The following RPA3 variants were observed in gnomAD, a reference collection of about 807,000 sequenced individuals.
RPA3 encodes replication protein A 14 kDa subunit.
RPA3 carries 24 observed loss-of-function variants against 13.7 expected under a neutral mutation model. The observed-to-expected ratio is 1.75, with a 90% CI of 1.27 to 2.46. The LOEUF (loss-of-function observed/expected upper bound fraction) is 2.46. Among genes scored for constraint, RPA3 ranks in the 30% most tolerant of loss-of-function variants. RPA3 has a pLI of 0.00. For synonymous variants in RPA3, 59 were observed against 51.2 expected (o/e 1.15, Z -0.65); for missense variants, 183 against 151.0 (o/e 1.21, Z -1.11).
In RPA3 at chr7:7,675,020, T is replaced by G. The variant is rs1261965889; in HGVS notation, c.-758+10810A>C. ...TTTTTATTATATATGTATTTAAAAT[T>G]TTTTTTAAAATTATTTTTAAAGAAA... On this transcript the variant is annotated intron_variant, in intron 4 of 7. Coordinates refer to ENST00000223129, the MANE Select transcript of RPA3 (RefSeq NM_002947.5). Among the ~76,000 whole-genome samples the G allele has an allele frequency of 2.6e-5, 4 of 152,118 alleles. No homozygotes were observed. The South Asian group carries it at 6.2e-4, about 24-fold the overall frequency.
At chr7:7,656,124 T>C (rs1785336356) in intron 4 of RPA3, among the ~76,000 whole-genome samples, 1 of 152,120 alleles carries the variant, frequency 6.6e-6, no homozygotes, top group Non-Finnish European at 1.5e-5. Flanking sequence ...CATGAGCCAC[T>C]GCGCCTGGCC....
intron 2 of RPA3, among the ~76,000 whole-genome samples, chr7:7,707,212 C>T (rs1780627002): frequency 6.6e-6 from 1 of 152,082 alleles, no homozygotes; most frequent in African/African-American, 2.4e-5. Flanking sequence ...GTCTGTACAG[C>T]AAAGATTATA....
At chr7:7,702,800 G>GTTT (rs147822233) in intron 2 of RPA3, among the ~76,000 whole-genome samples, 11,596 of 152,126 alleles carry the variant, frequency 0.076, 565 homozygotes, top group Admixed American at 0.098. Context: ...TGTTGTTGTT[G>GTTT]TTGTTGTTTT....
At chr7:7,688,240 C>T (rs914442625) in intron 2 of RPA3, among the ~76,000 whole-genome samples, 1 of 152,108 alleles carries the variant, frequency 6.6e-6, no homozygotes, top group African/African-American at 2.4e-5. Context: ...GGTTTACTAG[C>T]TCCTTGGGCT....
At position 7,651,875 on chromosome 7, in the gene RPA3, A is replaced by G. The variant is rs543454771; in HGVS notation, c.-757-10700T>C. ...TCAACCTTCTTTCTTTCTTCTGCTC[A>G]GAGTTTTTCCTGTCTTGTACTCTGT... On this transcript the variant is annotated intron_variant, in intron 4 of 7. Coordinates refer to ENST00000223129, the MANE Select transcript of RPA3 (RefSeq NM_002947.5). Among the ~76,000 whole-genome samples the G allele has an allele frequency of 4.6e-5, 7 of 152,330 alleles. No homozygotes were observed. In the South Asian group the frequency reaches 1.0e-3, roughly 23 times the overall value.
At chr7:7,675,507 C>A (rs1020921233) in intron 4 of RPA3, among the ~76,000 whole-genome samples, 3 of 152,174 alleles carry the variant, frequency 2.0e-5, no homozygotes, top group Admixed American at 2.0e-4. Flanking sequence ...GTATTATCTA[C>A]TATGGATCTC....
intron 4 of RPA3, among the ~76,000 whole-genome samples, chr7:7,658,449 G>A (rs1463285627): frequency 6.6e-6 from 1 of 152,294 alleles, no homozygotes; most frequent in South Asian, 2.1e-4. Context: ...CTGTGGGTTT[G>A]TCATAAATAG....
intron 2 of RPA3, among the ~76,000 whole-genome samples, chr7:7,690,046 A>G (rs1046150244): frequency 1.3e-5 from 2 of 152,162 alleles, no homozygotes; most frequent in South Asian, 2.1e-4. Context: ...ATCTAAAGTG[A>G]TGGGAAATAA....
At chr7:7,714,308 G>A (rs1336206749) in intron 2 of RPA3, among the ~76,000 whole-genome samples, 1 of 152,188 alleles carries the variant, frequency 6.6e-6, no homozygotes, top group Admixed American at 6.5e-5. Flanking sequence ...ATTCTCTGAT[G>A]AGCAGACTTT....
chr7:7,667,193 G>C (rs1156562462), intron 4 of RPA3, among the ~76,000 whole-genome samples: 1 of 152,196 alleles, frequency 6.6e-6, no homozygotes, highest in Non-Finnish European at 1.5e-5. Flanking sequence ...TTGGGTTCTA[G>C]CTCAGATAGG....
At chr7:7,688,231 G>T (rs1563123507) in intron 2 of RPA3, among the ~76,000 whole-genome samples, 1 of 152,068 alleles carries the variant, frequency 6.6e-6, no homozygotes, top group Non-Finnish European at 1.5e-5. Context: ...TGTTGCTTTG[G>T]TTTACTAGCT....
chr7:7,658,645 A>T (rs972444510), intron 4 of RPA3, among the ~76,000 whole-genome samples: 5 of 152,202 alleles, frequency 3.3e-5, no homozygotes, highest in African/African-American at 1.2e-4. Flanking sequence ...CCAGCCTTGC[A>T]TCCCATTGAT....
At chr7:7,664,659 TGAA>T (rs1341109208) in intron 4 of RPA3, among the ~76,000 whole-genome samples, 1 of 152,220 alleles carries the variant, frequency 6.6e-6, no homozygotes, top group Non-Finnish European at 1.5e-5. Context: ...ACACATCAGA[TGAA>T]GTTAAACTCA....
intron 2 of RPA3, among the ~76,000 whole-genome samples, chr7:7,690,713 G>A (rs1001568117): frequency 6.6e-6 from 1 of 152,054 alleles, no homozygotes; most frequent in Non-Finnish European, 1.5e-5. Flanking sequence ...AGAAAGGAAG[G>A]TAAATATAGT....
chr7:7,712,916 T>TA (rs1336060420), intron 2 of RPA3, among the ~76,000 whole-genome samples: 1 of 152,214 alleles, frequency 6.6e-6, no homozygotes, highest in Admixed American at 6.5e-5. Flanking sequence ...AATTCACCTG[T>TA]AAAAATTATC....
At chr7:7,703,954 A>AGAAG (rs774138486) in intron 2 of RPA3, among the ~76,000 whole-genome samples, 2 of 152,070 alleles carry the variant, frequency 1.3e-5, no homozygotes, top group Admixed American at 1.3e-4. Context: ...AAGGAAAGAA[A>AGAAG]GAAGGAAGGA....
chr7:7,662,156 C>T (rs903368787), intron 4 of RPA3, among the ~76,000 whole-genome samples: 1 of 152,110 alleles, frequency 6.6e-6, no homozygotes. Flanking sequence ...AGATGCCCTT[C>T]CCCCCACCAA....
Position 7,640,576 on chromosome 7 carries a change from CTG to C in RPA3, c.-160_-159del. 1 of 671,298 alleles carries C rather than the reference CTG, an allele frequency of 1.5e-6. No individual in the cohort carries two copies. Among genetic ancestry groups the C allele is most frequent in the South Asian group, 1.7e-5 (1 of 57,728 alleles). 41.6% of individuals were successfully genotyped at this position (671,298 alleles called of 1,614,324 possible). A position where few individuals can be genotyped will look rare whatever the true frequency, so the allele number is the denominator to read the frequency against. ...CGCGGAAACCTAAATCGCAATCGCG[CTG>C]TCTCTGAAAGGGGTGGAGAAGGGGC... On this transcript the variant is annotated 5_prime_UTR_variant, in exon 5 of 8. Transcript: ENST00000223129.
intron 4 of RPA3, among the ~76,000 whole-genome samples, chr7:7,675,054 G>A (rs1247147740): frequency 2.6e-5 from 4 of 151,936 alleles, no homozygotes; most frequent in African/African-American, 9.7e-5. Context: ...AAATAGAGAT[G>A]GGGTCTTGCC....
Sources: gnomAD v4.1 joint callset for allele counts (sites outside exome capture counted in the v4.1 genomes callset) on GRCh38, gnomAD v4.1.1 for gene constraint, MANE v1.5 for transcripts, NCBI Gene and HGNC (gene_info 2026-07-23, HGNC 2026-07-21) for gene names.